Variants in GABRB3 observed in about 807,000 individuals in gnomAD.
The protein encoded by GABRB3 is gamma-aminobutyric acid type A receptor subunit beta3, also known as gamma-aminobutyric acid receptor subunit beta-3.
A neutral mutation model predicts 52.1 loss-of-function variants in GABRB3; 14 were observed. The observed-to-expected ratio is 0.27, with a 90% confidence interval of 0.18 to 0.42. GABRB3 has a LOEUF of 0.42. Ranked by LOEUF, GABRB3 falls within the 10% of genes least tolerant of loss-of-function variation. The probability of loss-of-function intolerance (pLI) is 1.00; values close to 1 mark genes in which losing one functional copy is unlikely to be tolerated. For synonymous variants in GABRB3, 260 were observed against 232.3 expected (o/e 1.12, Z -1.08); for missense variants, 307 against 609.1 (o/e 0.50, Z 5.22).
chr15:26,715,143 T>G (rs1889427905), intron 3 of GABRB3, among the ~76,000 whole-genome samples: 1 of 152,118 alleles, frequency 6.6e-6, no homozygotes, highest in Non-Finnish European at 1.5e-5. Flanking sequence ...AGGAGGCAGG[T>G]GTGAGCAAGG....
chr15:26,657,723 G>A (rs1244194407), intron 3 of GABRB3, among the ~76,000 whole-genome samples: 1 of 152,158 alleles, frequency 6.6e-6, no homozygotes. Flanking sequence ...CAAAAATTAT[G>A]ACAGAAAAGT....
intron 4 of GABRB3, chr15:26,614,671 G>C (rs926366271): frequency 1.3e-5 from 2 of 152,150 alleles, no homozygotes; most frequent in Non-Finnish European, 2.9e-5. Flanking sequence ...TTTCTGAGGA[G>C]AAAAGTATTT....
At chr15:26,598,896 G>A (rs973797300) in intron 4 of GABRB3, among the ~76,000 whole-genome samples, 2 of 152,180 alleles carry the variant, frequency 1.3e-5, no homozygotes, top group Non-Finnish European at 2.9e-5. Flanking sequence ...AAGCTGATTT[G>A]GTTGCCTTCA....
rs1015642434 is a variant in GABRB3, at chr15:26,545,093, G to T, written c.*2700C>A. ...AATGGAGAAGCTATAAAATAATTTTGTTAGAAGAAAAGTAATTTTCTTCTG... is the reference window on the plus strand; with the variant it reads ...AATGGAGAAGCTATAAAATAATTTTTTTAGAAGAAAAGTAATTTTCTTCTG... On this transcript the variant is annotated 3_prime_UTR_variant, in exon 9 of 9. Transcript: ENST00000311550. 7 of 152,480 alleles carry T rather than the reference G, an allele frequency of 4.6e-5. No individual in the cohort carries two copies. Among genetic ancestry groups the T allele is most frequent in the Non-Finnish European group, 8.8e-5 (6 of 68,004 alleles). 9.4% of individuals were successfully genotyped at this position (152,480 alleles called of 1,614,324 possible).
intron 3 of GABRB3, among the ~76,000 whole-genome samples, chr15:26,741,070 GTGTGTGTGTGTGTA>G: frequency 9.4e-6 from 1 of 106,812 alleles, no homozygotes; most frequent in Admixed American, 1.2e-4. Flanking sequence ...GTGTGTGTGT[GTGTGTGTGTGTGTA>G]CACCAGTACT....
intron 3 of GABRB3, chr15:26,772,185 C>T: frequency 2.1e-6 from 1 of 473,326 alleles, no homozygotes. Flanking sequence ...GAAGGGTGCG[C>T]CCTCGCGGCT....
intron 4 of GABRB3, among the ~76,000 whole-genome samples, chr15:26,587,149 C>G (rs1309579808): frequency 1.3e-5 from 2 of 152,080 alleles, no homozygotes; most frequent in Non-Finnish European, 1.5e-5. Flanking sequence ...TTTTGTGCCC[C>G]ATACATTGTT....
chr15:26,547,653 C>A lies in GABRB3; in HGVS notation c.*140G>T. The A allele has an allele frequency of 1.5e-6, 1 of 669,382 alleles. No homozygotes were observed. The highest frequency in any genetic ancestry group is 1.8e-5 in the South Asian group (1 of 56,840). 41.5% of individuals were successfully genotyped at this position (669,382 alleles called of 1,614,324 possible). A position where few individuals can be genotyped will look rare whatever the true frequency, so the allele number is the denominator to read the frequency against. On this transcript the variant is annotated 3_prime_UTR_variant, in exon 9 of 9. Transcript: ENST00000311550. ...ATTTTATATATATGCTGAGAAAGTT[C>A]ACATATATATACAATTGCGTATGTA...
At chr15:26,708,032 C>T (rs1365986002) in intron 3 of GABRB3, among the ~76,000 whole-genome samples, 1 of 152,086 alleles carries the variant, frequency 6.6e-6, no homozygotes, top group Non-Finnish European at 1.5e-5. Flanking sequence ...CATGTCAGCA[C>T]AGAAAAAATT....
chr15:26,766,278 C>G (rs1429901245), intron 3 of GABRB3, among the ~76,000 whole-genome samples: 1 of 152,176 alleles, frequency 6.6e-6, no homozygotes, highest in Non-Finnish European at 1.5e-5. Flanking sequence ...GGTTCAGTTA[C>G]TCATAGACGA....
At chr15:26,557,294 C>T (rs895664670) in intron 8 of GABRB3, among the ~76,000 whole-genome samples, 10 of 152,004 alleles carry the variant, frequency 6.6e-5, no homozygotes, top group Non-Finnish European at 1.3e-4. Context: ...GGTGAGAGGA[C>T]GAAGAGGATC....
intron 4 of GABRB3, among the ~76,000 whole-genome samples, chr15:26,601,134 A>T (rs946494652): frequency 6.6e-6 from 1 of 152,094 alleles, no homozygotes; most frequent in Non-Finnish European, 1.5e-5. Context: ...TAAAAATAGA[A>T]AGGATTTGGC....
intron 7 of GABRB3, among the ~76,000 whole-genome samples, chr15:26,562,536 T>C (rs1311794970): frequency 6.6e-6 from 1 of 152,238 alleles, no homozygotes; most frequent in Non-Finnish European, 1.5e-5. Context: ...TGTCCAGATA[T>C]GTACTCTGGG....
At chr15:26,649,371 A>C (rs188533479) in intron 3 of GABRB3, among the ~76,000 whole-genome samples, 15 of 152,316 alleles carry the variant, frequency 9.8e-5, no homozygotes, top group Admixed American at 5.2e-4. Context: ...GAAACAAGGC[A>C]GCACCTTAAA....
intron 3 of GABRB3, among the ~76,000 whole-genome samples, chr15:26,759,540 T>G (rs141544032): frequency 4.6e-5 from 7 of 152,350 alleles, no homozygotes; most frequent in African/African-American, 1.7e-4. Context: ...ATTACAGGCA[T>G]GAGCCACCGT....
At chr15:26,608,340 C>G (rs1582760) in intron 4 of GABRB3, among the ~76,000 whole-genome samples, 122,151 of 152,056 alleles carry the variant, frequency 0.8, 50,814 homozygotes, top group East Asian at 1. Context: ...ATGTAACTAG[C>G]AACTGTTAAA....
chr15:26,634,980 CTCTAA>C lies in GABRB3; in HGVS notation c.241-13451_241-13447del, dbSNP rs1178453002. On this transcript the variant is annotated intron_variant, in intron 3 of 8. Transcript: ENST00000311550. ...TCAAGTAAGTAAGAGATATATGTATCTCTAAATATATATATATATATATATATATA... is the reference window on the plus strand; with the variant it reads ...TCAAGTAAGTAAGAGATATATGTATCATATATATATATATATATATATATA... Among the ~76,000 whole-genome samples, 4 of 14,030 alleles carry C rather than the reference CTCTAA, an allele frequency of 2.9e-4. No individual in the cohort carries two copies. The East Asian group carries it at 7.3e-3, about 26-fold the overall frequency. The allele number at this position is 14,030 out of a possible 152,430, so 9.2% of individuals were successfully genotyped here.
chr15:26,743,198 G>A (rs2033237339), intron 3 of GABRB3, among the ~76,000 whole-genome samples: 1 of 152,084 alleles, frequency 6.6e-6, no homozygotes, highest in African/African-American at 2.4e-5. Flanking sequence ...AAAGCGCTGG[G>A]ATTACAGGTG....
At chr15:26,656,029 T>C (rs575565127) in intron 3 of GABRB3, among the ~76,000 whole-genome samples, 2 of 152,210 alleles carry the variant, frequency 1.3e-5, no homozygotes. Context: ...TCCTTTCTGT[T>C]ATTTGCCTCT....
Sources: gnomAD v4.1 joint callset for allele counts (sites outside exome capture counted in the v4.1 genomes callset) on GRCh38, gnomAD v4.1.1 for gene constraint, MANE v1.5 for transcripts, NCBI Gene and HGNC (gene_info 2026-07-23, HGNC 2026-07-21) for gene names.